The following CTDSP2 variants were observed in gnomAD, a reference collection of about 807,000 sequenced individuals.
The protein encoded by CTDSP2 is CTD small phosphatase 2.
A neutral mutation model predicts 31.6 loss-of-function variants in CTDSP2; 9 were observed. The ratio of observed to expected loss-of-function variants is 0.28; its 90% CI spans 0.17 to 0.50. The LOEUF (loss-of-function observed/expected upper bound fraction) is 0.50. Ranked by LOEUF, CTDSP2 falls within the 20% of genes least tolerant of loss-of-function variation. The pLI, the probability that CTDSP2 is intolerant of heterozygous loss-of-function variation, is 0.98. For synonymous variants in CTDSP2, 134 were observed against 134.5 expected, an observed-to-expected ratio of 1.00 and a Z score of 0.03; for missense variants, 267 against 348.5, an observed-to-expected ratio of 0.77 and a Z score of 1.86.
intron 1 of CTDSP2, among the ~76,000 whole-genome samples, chr12:57,838,530 A>G (rs541990378): frequency 6.6e-6 from 1 of 152,166 alleles, no homozygotes; most frequent in Non-Finnish European, 1.5e-5. Context: ...TGTGCCCTTG[A>G]CTCCTGGAAT....
Position 57,825,534 on chromosome 12 carries a change from C to CGTAT in CTDSP2, c.411+811_411+812insATAC, listed in dbSNP as rs539581649. On this transcript the variant is annotated intron_variant, in intron 5 of 7. Coordinates refer to ENST00000398073, the MANE Select transcript of CTDSP2 (RefSeq NM_005730.4). ...TACAAGGGTTTAGCACATCCCTATA[C>CGTAT]CCTCAGCTAGACTGTCAAAGGGCTG... 1.8e-4 allele frequency among the ~76,000 whole-genome samples: 28 copies of CGTAT among 152,352 alleles called. No individual in the cohort carries two copies. In the East Asian group the frequency reaches 4.8e-3, roughly 26 times the overall value.
At chr12:57,836,974 A>G (rs2140481641) in intron 1 of CTDSP2, 1 of 152,194 alleles carries the variant, frequency 6.6e-6, no homozygotes, top group South Asian at 2.1e-4. Context: ...TAGCCTGGCT[A>G]TCACTATAAA....
At chr12:57,839,598 G>A (rs575829020) in intron 1 of CTDSP2, among the ~76,000 whole-genome samples, 18 of 152,198 alleles carry the variant, frequency 1.2e-4, no homozygotes, top group African/African-American at 4.3e-4. Flanking sequence ...GGCGCCTGTA[G>A]TCCCAGCTAC....
intron 1 of CTDSP2, among the ~76,000 whole-genome samples, chr12:57,841,686 A>G (rs1343544813): frequency 1.3e-5 from 2 of 152,210 alleles, no homozygotes; most frequent in Non-Finnish European, 2.9e-5. Context: ...CCAAGCCCCC[A>G]CAATCAGTGT....
At position 57,821,265 on chromosome 12, in the gene CTDSP2, C is replaced by T. The variant is rs1956143373; in HGVS notation, c.*2337G>A. 1 of 152,374 alleles carries T rather than the reference C, an allele frequency of 6.6e-6. No homozygotes were observed. Among genetic ancestry groups the T allele is most frequent in the Non-Finnish European group, 1.5e-5 (1 of 68,130 alleles). The allele number at this position is 152,374 out of a possible 1,614,324, so 9.4% of individuals were successfully genotyped here. On this transcript the variant is annotated 3_prime_UTR_variant, in exon 8 of 8. Transcript: ENST00000398073. ...TTGTTGGGGGGGAGTTGCAGGTGGG[C>T]AGGCAGGGTTCTGATGGGAGTGAGG...
intron 2 of CTDSP2, among the ~76,000 whole-genome samples, chr12:57,829,176 T>C (rs1318098932): frequency 1.3e-5 from 2 of 152,180 alleles, no homozygotes; most frequent in African/African-American, 4.8e-5. Flanking sequence ...AGACAATATA[T>C]GCAAAGCACC....
Position 57,823,558 on chromosome 12 carries a change from G to C in CTDSP2, c.*44C>G, listed in dbSNP as rs916057088. 4 of 1,608,282 alleles carry C rather than the reference G, an allele frequency of 2.5e-6. No individual in the cohort carries two copies. The African/African-American group carries it at 5.3e-5, about 21-fold the overall frequency. Reference sequence around the variant, plus strand: ...CGCTGATCGTAAAGGCACAGTGTGGGAAAGTCCCCTACTGGGATGGCCGTC... The same window carrying C: ...CGCTGATCGTAAAGGCACAGTGTGGCAAAGTCCCCTACTGGGATGGCCGTC... On this transcript the variant is annotated 3_prime_UTR_variant, in exon 8 of 8. Coordinates refer to ENST00000398073, the MANE Select transcript of CTDSP2 (RefSeq NM_005730.4).
At chr12:57,838,613 T>G (rs1565848403) in intron 1 of CTDSP2, among the ~76,000 whole-genome samples, 1 of 152,350 alleles carries the variant, frequency 6.6e-6, no homozygotes, top group South Asian at 2.1e-4. Context: ...CTGCTTTAGG[T>G]TGATACAAAC....
At position 57,827,318 on chromosome 12, in the gene CTDSP2, G is replaced by C. The variant is rs1219020341; in HGVS notation, c.253-221C>G. On this transcript the variant is annotated intron_variant, in intron 3 of 7. Coordinates refer to ENST00000398073, the MANE Select transcript of CTDSP2 (RefSeq NM_005730.4). Reference sequence around the variant, plus strand: ...CTGGACATTGGAGGTGGTGGCCAGGGCAGGTGTGGGATGGACAGCAGCTGT... The same window carrying C: ...CTGGACATTGGAGGTGGTGGCCAGGCCAGGTGTGGGATGGACAGCAGCTGT... 3 of 629,018 alleles carry C rather than the reference G, an allele frequency of 4.8e-6. No individual in the cohort carries two copies. In the East Asian group the frequency reaches 8.2e-5, roughly 17 times the overall value. 39.0% of individuals were successfully genotyped at this position (629,018 alleles called of 1,614,324 possible).
At chr12:57,838,137 A>G (rs745823215) in intron 1 of CTDSP2, among the ~76,000 whole-genome samples, 3 of 152,176 alleles carry the variant, frequency 2.0e-5, no homozygotes, top group African/African-American at 7.2e-5. Context: ...GTGGGCCTCC[A>G]TAAGTAGCAG....
intron 7 of CTDSP2, 26 bp downstream of exon 7, chr12:57,823,878 C>G: frequency 6.2e-7 from 1 of 1,612,854 alleles, no homozygotes; most frequent in South Asian, 1.1e-5. Context: ...CAATCCCTAC[C>G]GTGGAGACGC....
chr12:57,843,439 T>C, intron 1 of CTDSP2, among the ~76,000 whole-genome samples: 1 of 152,154 alleles, frequency 6.6e-6, no homozygotes, highest in East Asian at 1.9e-4. Flanking sequence ...ATCAATGCTT[T>C]CAGCAACTTT....
rs778207480 is a variant in CTDSP2, at chr12:57,846,417, T to A, written c.19A>T (p.Ile7Phe). 1.2e-6 allele frequency: 2 copies of A among 1,607,052 alleles called. No individual in the cohort carries two copies. Among genetic ancestry groups the A allele is most frequent in the Non-Finnish European group, 1.7e-6 (2 of 1,177,130 alleles). Residue 7 changes from isoleucine to phenylalanine, a missense_variant, in exon 1 of 8, where the codon ATC (isoleucine) becomes TTC (phenylalanine). Transcript: ENST00000398073. MEHGSI[I>F]TQARREDALV... Reference sequence around the variant, plus strand: ...GCGTCTTCCCTCCGCGCCTGGGTGATGATGGAGCCGTGTTCCATCTAACAA... The same window carrying A: ...GCGTCTTCCCTCCGCGCCTGGGTGAAGATGGAGCCGTGTTCCATCTAACAA...
intron 1 of CTDSP2, among the ~76,000 whole-genome samples, chr12:57,841,784 G>A (rs1956283945): frequency 1.3e-5 from 2 of 152,116 alleles, no homozygotes; most frequent in Admixed American, 1.3e-4. Flanking sequence ...GAATGGAGGA[G>A]GGCGAACAGA....
chr12:57,824,563 C>T (rs1196621789), intron 5 of CTDSP2: 1 of 664,752 alleles, frequency 1.5e-6, no homozygotes, highest in Non-Finnish European at 2.9e-6. Flanking sequence ...AAGAAGCGCA[C>T]ACACCATGTC....
chr12:57,823,499 C>T lies in CTDSP2; in HGVS notation c.*103G>A, dbSNP rs1263191212. 7 of 1,368,276 alleles carry T rather than the reference C, an allele frequency of 5.1e-6. No individual in the cohort carries two copies. Among genetic ancestry groups the T allele is most frequent in the African/African-American group, 1.4e-5 (1 of 70,070 alleles). The allele number at this position is 1,368,276 out of a possible 1,614,324, so 84.8% of individuals were successfully genotyped here. On this transcript the variant is annotated 3_prime_UTR_variant, in exon 8 of 8. Coordinates refer to ENST00000398073, the MANE Select transcript of CTDSP2 (RefSeq NM_005730.4). ...CAGTTACTTCCCGCTGTTTCCGGGCCGTGTGGTGAGGCACTCCAGCTTCTA... is the reference window on the plus strand; with the variant it reads ...CAGTTACTTCCCGCTGTTTCCGGGCTGTGTGGTGAGGCACTCCAGCTTCTA...
chr12:57,827,023 A>C lies in CTDSP2; in HGVS notation c.327T>G (p.Asp109Glu). The change falls in exon 4 of 8, where the codon GAT becomes GAG. Residue 109 changes from aspartate to glutamate, a missense_variant. Transcript: ENST00000398073. ...TAAAGGAGCTATGCACAAGGGTTTCATCGAGGTCAATGACCACACAGATCC... is the reference window on the plus strand; with the variant it reads ...TAAAGGAGCTATGCACAAGGGTTTCCTCGAGGTCAATGACCACACAGATCC... Reference protein sequence around the residue: ...QGRICVVIDLDETLVHSSFKP... With the variant: ...QGRICVVIDLEETLVHSSFKP... 1 of 1,613,708 alleles carries C rather than the reference A, an allele frequency of 6.2e-7. No homozygotes were observed. The highest frequency in any genetic ancestry group is 8.5e-7 in the Non-Finnish European group (1 of 1,179,856).
intron 1 of CTDSP2, among the ~76,000 whole-genome samples, chr12:57,831,879 G>T (rs1595191228): frequency 6.6e-6 from 1 of 152,190 alleles, no homozygotes; most frequent in African/African-American, 2.4e-5. Context: ...GTACCAAGGT[G>T]GCCCTTGCAG....
At chr12:57,845,010 G>A (rs1165218443) in intron 1 of CTDSP2, among the ~76,000 whole-genome samples, 1 of 152,086 alleles carries the variant, frequency 6.6e-6, no homozygotes, top group Non-Finnish European at 1.5e-5. Flanking sequence ...GGAGCTCCTT[G>A]GAACGTGAAC....
Sources: gnomAD v4.1 joint callset for allele counts (sites outside exome capture counted in the v4.1 genomes callset) on GRCh38, gnomAD v4.1.1 for gene constraint, MANE v1.5 for transcripts, NCBI Gene and HGNC (gene_info 2026-07-23, HGNC 2026-07-21) for gene names.